MAST4: variants seen among roughly 807,000 people sequenced by gnomAD.
MAST4 encodes microtubule associated serine/threonine kinase family member 4, also known as microtubule-associated serine/threonine-protein kinase 4.
MAST4 carries 89 observed loss-of-function variants against 162.7 expected under a neutral mutation model. That is an observed-to-expected ratio of 0.55 (90% CI 0.46 to 0.65). The LOEUF is 0.65. MAST4 is among the 30% of genes least tolerant of loss of function. The pLI, the probability that MAST4 is intolerant of heterozygous loss-of-function variation, is 0.00. For synonymous variants in MAST4, 1,479 were observed against 1,361.1 expected, an observed-to-expected ratio of 1.09 and a Z score of -1.91; for missense variants, 3,153 against 3,374.0, an observed-to-expected ratio of 0.93 and a Z score of 1.62.
Position 66,919,676 on chromosome 5 carries a change from A to G in MAST4, c.674+19694A>G, listed in dbSNP as rs566167568. On this transcript the variant is annotated intron_variant, in intron 4 of 28. Coordinates refer to ENST00000403625, the MANE Select transcript of MAST4 (RefSeq NM_001164664.2). ...TCCGTCACAGAAAAAAAAAAAAAAA[A>G]AAAGAGAAAAAGGTGATAAACAGTT... Among the ~76,000 whole-genome samples the G allele has an allele frequency of 1.1e-3, 170 of 151,766 alleles. 2 individuals carry two copies. The highest frequency in any genetic ancestry group is 9.2e-3 in the South Asian group (44 of 4,796).
Position 66,864,175 on chromosome 5 carries a change from A to G in MAST4, c.643-35776A>G, listed in dbSNP as rs1244046008. Reference sequence around the variant, plus strand: ...AAGACAAACATACATATACAGTATTATGTCCAGTAATAATAAATGTTATAA... The same window carrying G: ...AAGACAAACATACATATACAGTATTGTGTCCAGTAATAATAAATGTTATAA... On this transcript the variant is annotated intron_variant, in intron 3 of 28. Transcript: ENST00000403625. Among the ~76,000 whole-genome samples the G allele has an allele frequency of 2.7e-5, 4 of 149,864 alleles. No individual in the cohort carries two copies. In the South Asian group the frequency reaches 8.6e-4, roughly 32 times the overall value.
At chr5:66,753,701 C>A (rs1392834657) in intron 1 of MAST4, among the ~76,000 whole-genome samples, 1 of 150,940 alleles carries the variant, frequency 6.6e-6, no homozygotes, top group Non-Finnish European at 1.5e-5. Flanking sequence ...GATGGATTCA[C>A]AGCCGAATTC....
At chr5:66,714,437 A>C (rs1580270378) in intron 1 of MAST4, among the ~76,000 whole-genome samples, 1 of 152,160 alleles carries the variant, frequency 6.6e-6, no homozygotes, top group Admixed American at 6.5e-5. Flanking sequence ...CAGACCTCCT[A>C]TTTATGAAGA....
chr5:66,803,721 T>G lies in MAST4; in HGVS notation c.642+14927T>G, dbSNP rs529103283. Reference sequence around the variant, plus strand: ...TTATAATGATTCTTATCTGTAGATTTGGAGGAGGGGGTAATTTTGCAAATA... The same window carrying G: ...TTATAATGATTCTTATCTGTAGATTGGGAGGAGGGGGTAATTTTGCAAATA... On this transcript the variant is annotated intron_variant, in intron 3 of 28. Coordinates refer to ENST00000403625, the MANE Select transcript of MAST4 (RefSeq NM_001164664.2). Among the ~76,000 whole-genome samples the G allele has an allele frequency of 3.9e-5, 6 of 152,226 alleles. No individual in the cohort carries two copies. The South Asian group carries it at 1.2e-3, about 32-fold the overall frequency.
chr5:66,868,661 C>G (rs910153721), intron 3 of MAST4, among the ~76,000 whole-genome samples: 2 of 151,916 alleles, frequency 1.3e-5, no homozygotes, highest in Admixed American at 1.3e-4. Flanking sequence ...CAGGCTCTTC[C>G]TTGTTTCTAT....
intron 5 of MAST4, among the ~76,000 whole-genome samples, chr5:67,089,065 T>C (rs1763559386): frequency 2.0e-5 from 3 of 152,220 alleles, no homozygotes; most frequent in Admixed American, 6.5e-5. Context: ...CAATAGTCAC[T>C]TTCATTAAGA....
chr5:66,795,211 A>G (rs969507683), intron 3 of MAST4, among the ~76,000 whole-genome samples: 1 of 152,230 alleles, frequency 6.6e-6, no homozygotes, highest in Non-Finnish European at 1.5e-5. Flanking sequence ...TGTAGAATTC[A>G]TCTATGAATT....
rs192494334 is a variant in MAST4, at chr5:66,905,845, A to G, written c.674+5863A>G. ...CTAAGACCTGGAATCAGTAGAAAGG[A>G]GTGTCTGGGTTAAGATAAGTGATTA... On this transcript the variant is annotated intron_variant, in intron 4 of 28. Coordinates refer to ENST00000403625, the MANE Select transcript of MAST4 (RefSeq NM_001164664.2). 1.6e-3 allele frequency among the ~76,000 whole-genome samples: 242 copies of G among 152,264 alleles called. 1 individual carries two copies. The highest frequency in any genetic ancestry group is 5.6e-3 in the African/African-American group (233 of 41,546).
At chr5:67,064,575 T>C (rs111789012) in intron 5 of MAST4, among the ~76,000 whole-genome samples, 27 of 152,210 alleles carry the variant, frequency 1.8e-4, no homozygotes, top group African/African-American at 6.3e-4. Context: ...TGAAAGTAGT[T>C]TTAGCAAATC....
chr5:66,683,175 C>T (rs1011765814), intron 1 of MAST4, among the ~76,000 whole-genome samples: 1 of 152,188 alleles, frequency 6.6e-6, no homozygotes, highest in Non-Finnish European at 1.5e-5. Flanking sequence ...GAGGTCTCAT[C>T]AGCATCATTT....
In MAST4 at chr5:67,005,475, T is replaced by C. The variant is rs1053400383; in HGVS notation, c.675-48929T>C. 1.4e-4 allele frequency among the ~76,000 whole-genome samples: 21 copies of C among 152,308 alleles called. No individual in the cohort carries two copies. The East Asian group carries it at 4.1e-3, about 29-fold the overall frequency. ...ACTTTTCGTTGAGCCCTTCAGATGT[T>C]CCTCTCTATTAAATATTTGACCTTT... On this transcript the variant is annotated intron_variant, in intron 4 of 28. Transcript: ENST00000403625.
chr5:66,858,916 T>A (rs1173628576), intron 3 of MAST4, among the ~76,000 whole-genome samples: 1 of 152,150 alleles, frequency 6.6e-6, no homozygotes, highest in Admixed American at 6.5e-5. Context: ...TTTTTATTGC[T>A]ATTGTGAATT....
At chr5:66,608,773 G>A (rs1015299044) in intron 1 of MAST4, among the ~76,000 whole-genome samples, 9 of 134,238 alleles carry the variant, frequency 6.7e-5, no homozygotes, top group Non-Finnish European at 1.4e-4. Context: ...AATAAGTCTT[G>A]TAATAGATGG....
chr5:66,907,554 G>A (rs921858741), intron 4 of MAST4, among the ~76,000 whole-genome samples: 1 of 151,516 alleles, frequency 6.6e-6, no homozygotes, highest in Non-Finnish European at 1.5e-5. Flanking sequence ...TAGGAAGTGA[G>A]CTTCTATATA....
At chr5:67,116,582 G>A (rs114805020) in intron 12 of MAST4, among the ~76,000 whole-genome samples, 2,206 of 151,470 alleles carry the variant, frequency 0.015, 29 homozygotes, top group African/African-American at 0.038. Context: ...AAATTGCACC[G>A]CGCTGAGTGG....
chr5:66,792,102 A>C (rs1445775160), intron 3 of MAST4: 1 of 163,658 alleles, frequency 6.1e-6, no homozygotes, highest in African/African-American at 2.4e-5. Flanking sequence ...GCCGATTACA[A>C]CTAATAGACC....
chr5:66,802,834 TC>T (rs933133300), intron 3 of MAST4, among the ~76,000 whole-genome samples: 4 of 152,184 alleles, frequency 2.6e-5, no homozygotes, highest in African/African-American at 9.7e-5. Context: ...GAGCACTTCT[TC>T]CTGACCCCTC....
intron 14 of MAST4, among the ~76,000 whole-genome samples, chr5:67,123,957 CT>C (rs1767887449): frequency 2.6e-5 from 4 of 152,230 alleles, no homozygotes; most frequent in African/African-American, 9.6e-5. Flanking sequence ...CACACACACC[CT>C]CCTTCCCACA....
At chr5:66,665,361 G>A (rs1318043109) in intron 1 of MAST4, among the ~76,000 whole-genome samples, 3 of 152,162 alleles carry the variant, frequency 2.0e-5, no homozygotes, top group Admixed American at 6.5e-5. Context: ...CTGGGATCCA[G>A]TGGCAAGAAC....
Sources: allele counts gnomAD v4.1 joint callset (sites outside exome capture counted in the v4.1 genomes callset), GRCh38; gene constraint gnomAD v4.1.1; transcripts MANE v1.5; gene names NCBI Gene and HGNC (gene_info 2026-07-23, HGNC 2026-07-21).